The following ARHGAP42 variants were observed in gnomAD, a reference collection of about 807,000 sequenced individuals.
ARHGAP42 encodes the protein Rho GTPase activating protein 42, also known as rho GTPase-activating protein 42.
ARHGAP42 carries 63 observed loss-of-function variants against 125.0 expected under a neutral mutation model. The observed-to-expected ratio is 0.50, with a 90% CI of 0.41 to 0.62. ARHGAP42 has a LOEUF of 0.62. ARHGAP42 is among the 20% of genes least tolerant of loss of function. ARHGAP42 has a pLI of 0.00. For synonymous variants in ARHGAP42, 339 were observed against 351.0 expected, an observed-to-expected ratio of 0.97 and a Z score of 0.38; for missense variants, 766 against 1,024.2, an observed-to-expected ratio of 0.75 and a Z score of 3.44.
At chr11:100,858,117 G>GTGTGTGTGTGTGTGTGTT (rs33909850) in intron 3 of ARHGAP42, among the ~76,000 whole-genome samples, 1,565 of 134,558 alleles carry the variant, frequency 0.012, 19 homozygotes, top group African/African-American at 0.031. Context: ...GTGTGTGTGT[G>GTGTGTGTGTGTGTGTGTT]TGTGTGTTTA....
chr11:100,987,199 A>C (rs914922155), intron 22 of ARHGAP42, among the ~76,000 whole-genome samples: 2 of 152,192 alleles, frequency 1.3e-5, no homozygotes, highest in Non-Finnish European at 1.5e-5. Flanking sequence ...CAGCCTATTT[A>C]GCAACTTATT....
At chr11:100,903,709 A>AAAAAAAATATAT (rs1332890022) in intron 4 of ARHGAP42, among the ~76,000 whole-genome samples, 49 of 63,488 alleles carry the variant, frequency 7.7e-4, no homozygotes, top group African/African-American at 2.5e-3. Context: ...TGTCCCTCAA[A>AAAAAAAATATAT]ATATATATAT....
chr11:100,767,492 G>T (rs1862857692), intron 1 of ARHGAP42, among the ~76,000 whole-genome samples: 1 of 152,176 alleles, frequency 6.6e-6, no homozygotes, highest in Non-Finnish European at 1.5e-5. Context: ...TGATCTCTGT[G>T]CAGGGACAAA....
intron 2 of ARHGAP42, among the ~76,000 whole-genome samples, chr11:100,789,130 T>C (rs1266823595): frequency 6.6e-6 from 1 of 152,234 alleles, no homozygotes; most frequent in Non-Finnish European, 1.5e-5. Context: ...GTATGAAATG[T>C]CAGTTAAGAA....
At chr11:100,903,061 T>A (rs1866596456) in intron 4 of ARHGAP42, among the ~76,000 whole-genome samples, 1 of 149,686 alleles carries the variant, frequency 6.7e-6, no homozygotes, top group Non-Finnish European at 1.5e-5. Flanking sequence ...CACTTGTATT[T>A]ACCTTCCTTC....
At chr11:100,944,651 A>C (rs1401695739) in intron 10 of ARHGAP42, among the ~76,000 whole-genome samples, 1 of 151,988 alleles carries the variant, frequency 6.6e-6, no homozygotes, top group Non-Finnish European at 1.5e-5. Context: ...GAGTCACAGA[A>C]ATTTCTGAGT....
intron 22 of ARHGAP42, chr11:100,986,067 C>T (rs1293492202): frequency 2.2e-6 from 1 of 456,534 alleles, no homozygotes; most frequent in Non-Finnish European, 4.4e-6. Flanking sequence ...CTCACTCATT[C>T]ATTTAGCTAA....
chr11:100,988,397 AAAT>A lies in ARHGAP42; in HGVS notation c.2537-308_2537-306del, dbSNP rs1222489116. ...CAAAAAGGTTGGAAAATAAATAGAT[AAAT>A]AATAATACAAATTTTAAAAATATAT... On this transcript the variant is annotated intron_variant, in intron 23 of 23. Transcript: ENST00000298815. Among the ~76,000 whole-genome samples the A allele has an allele frequency of 5.3e-5, 8 of 152,338 alleles. No individual in the cohort carries two copies. In the South Asian group the frequency reaches 1.5e-3, roughly 28 times the overall value.
intron 2 of ARHGAP42, among the ~76,000 whole-genome samples, chr11:100,782,567 T>G (rs1662488167): frequency 6.6e-6 from 1 of 151,944 alleles, no homozygotes; most frequent in South Asian, 2.1e-4. Flanking sequence ...AAGCAGAGTA[T>G]ATAGAGAGAG....
chr11:100,728,919 C>T lies in ARHGAP42; in HGVS notation c.154+41087C>T, dbSNP rs528390984. On this transcript the variant is annotated intron_variant, in intron 1 of 23. Transcript: ENST00000298815. Reference sequence around the variant, plus strand: ...GGGTAGCTGGGATCACAGGCATGGGCCACTATGCCTGGCTCACTTTTGTAT... The same window carrying T: ...GGGTAGCTGGGATCACAGGCATGGGTCACTATGCCTGGCTCACTTTTGTAT... 3.9e-5 allele frequency among the ~76,000 whole-genome samples: 6 copies of T among 151,962 alleles called. No homozygotes were observed. The South Asian group carries it at 1.2e-3, about 32-fold the overall frequency.
At chr11:100,877,412 T>G (rs1397780170) in intron 4 of ARHGAP42, among the ~76,000 whole-genome samples, 1 of 152,208 alleles carries the variant, frequency 6.6e-6, no homozygotes, top group Non-Finnish European at 1.5e-5. Context: ...TTTACTATAC[T>G]TCTTTGCTCA....
At chr11:100,821,683 T>C (rs1307896586) in intron 3 of ARHGAP42, among the ~76,000 whole-genome samples, 1 of 152,014 alleles carries the variant, frequency 6.6e-6, no homozygotes. Context: ...CTTTCCTTCC[T>C]CTTATTGCCA....
At chr11:100,888,242 A>C (rs1866140390) in intron 4 of ARHGAP42, among the ~76,000 whole-genome samples, 1 of 152,008 alleles carries the variant, frequency 6.6e-6, no homozygotes, top group Non-Finnish European at 1.5e-5. Context: ...CTTTTAAAAA[A>C]AAAAAGCTTT....
At chr11:100,720,561 A>T (rs940807971) in intron 1 of ARHGAP42, among the ~76,000 whole-genome samples, 2 of 152,190 alleles carry the variant, frequency 1.3e-5, no homozygotes, top group African/African-American at 4.8e-5. Flanking sequence ...AAGTGAAAAT[A>T]TGGCTAGATT....
At chr11:100,702,407 A>T (rs1223608687) in intron 1 of ARHGAP42, among the ~76,000 whole-genome samples, 1 of 152,106 alleles carries the variant, frequency 6.6e-6, no homozygotes, top group Non-Finnish European at 1.5e-5. Flanking sequence ...GTCAAAGAGC[A>T]TTGGTCACAG....
intron 1 of ARHGAP42, among the ~76,000 whole-genome samples, chr11:100,690,401 A>T (rs887982924): frequency 2.6e-5 from 4 of 152,054 alleles, no homozygotes; most frequent in Non-Finnish European, 5.9e-5. Flanking sequence ...CTCTTAGGTA[A>T]TACACGCCTG....
intron 4 of ARHGAP42, among the ~76,000 whole-genome samples, chr11:100,875,286 A>G (rs1161651415): frequency 6.6e-6 from 1 of 152,036 alleles, no homozygotes; most frequent in East Asian, 1.9e-4. Flanking sequence ...TGATCAACAC[A>G]GGAACGTACT....
intron 3 of ARHGAP42, among the ~76,000 whole-genome samples, chr11:100,857,504 A>T (rs1448440722): frequency 1.3e-5 from 2 of 152,138 alleles, no homozygotes; most frequent in African/African-American, 4.8e-5. Flanking sequence ...CCAATAAAAA[A>T]CATCCATTCA....
chr11:100,927,655 G>C (rs550784388), intron 6 of ARHGAP42, among the ~76,000 whole-genome samples: 8 of 152,260 alleles, frequency 5.3e-5, no homozygotes, highest in Admixed American at 2.0e-4. Flanking sequence ...TTACAATTGA[G>C]CTGTAAAGAT....
Sources: gnomAD v4.1 joint callset for allele counts (sites outside exome capture counted in the v4.1 genomes callset) on GRCh38, gnomAD v4.1.1 for gene constraint, MANE v1.5 for transcripts, NCBI Gene and HGNC (gene_info 2026-07-23, HGNC 2026-07-21) for gene names.